The following CERS6 variants were observed in gnomAD, a reference collection of about 807,000 sequenced individuals.
The protein encoded by CERS6 is LAG1 homolog, ceramide synthase 6.
CERS6 carries 26 observed loss-of-function variants against 56.8 expected under a neutral mutation model. The ratio of observed to expected loss-of-function variants is 0.46; its 90% CI spans 0.34 to 0.63. The LOEUF is 0.63. CERS6 is among the 30% of genes least tolerant of loss of function. CERS6 has a pLI of 0.01. For missense variants in CERS6, 415 were observed against 467.5 expected, an observed-to-expected ratio of 0.89 and a Z score of 1.04; for synonymous variants, 164 against 173.3, an observed-to-expected ratio of 0.95 and a Z score of 0.42.
chr2:168,746,804 TATATATATATATATATAA>T lies in CERS6; in HGVS notation c.846-18786_846-18769del, dbSNP rs1254568055. 1.4e-3 allele frequency among the ~76,000 whole-genome samples: 155 copies of T among 111,920 alleles called. 5 individuals carry two copies. Among genetic ancestry groups the T allele is most frequent in the Middle Eastern group, 8.3e-3 (2 of 240 alleles). 73.4% of individuals were successfully genotyped at this position (111,920 alleles called of 152,430 possible). A position where few individuals can be genotyped will look rare whatever the true frequency, so the allele number is the denominator to read the frequency against. On this transcript the variant is annotated intron_variant, in intron 8 of 9. Transcript: ENST00000305747. ...ATATATATATATATATATATATATA[TATATATATATATATATAA>T]AATCATCTTTGAAAAAATGATTATA... is the stretch of plus-strand genomic sequence containing the variant.
intron 1 of CERS6, among the ~76,000 whole-genome samples, chr2:168,492,542 A>C (rs1047893831): frequency 2.0e-5 from 3 of 152,094 alleles, no homozygotes; most frequent in African/African-American, 7.2e-5. Flanking sequence ...AGATTGCAAA[A>C]ATTTTCTCCC....
At chr2:168,666,445 G>A (rs1354811074) in intron 4 of CERS6, among the ~76,000 whole-genome samples, 2 of 152,142 alleles carry the variant, frequency 1.3e-5, no homozygotes, top group Non-Finnish European at 2.9e-5. Context: ...CTTTCACTTA[G>A]TAGTATGCAT....
Position 168,707,796 on chromosome 2 carries a change from A to C in CERS6, c.610-7205A>C, listed in dbSNP as rs150715477. Among the ~76,000 whole-genome samples the C allele has an allele frequency of 7.8e-4, 118 of 152,202 alleles. 1 individual carries two copies. The East Asian group carries it at 0.02, about 26-fold the overall frequency. On this transcript the variant is annotated intron_variant, in intron 6 of 9. Transcript: ENST00000305747. ...CCAAATATACTTTTATTATTTAGCC[A>C]TTGTCTTAAGACCCTACACAATTTT...
intron 1 of CERS6, among the ~76,000 whole-genome samples, chr2:168,537,040 A>G (rs1574050369): frequency 6.6e-6 from 1 of 152,328 alleles, no homozygotes; most frequent in Non-Finnish European, 1.5e-5. Flanking sequence ...AAGATTAATT[A>G]TACCTTTATA....
At chr2:168,472,053 G>GGCTTAA (rs1163777863) in intron 1 of CERS6, among the ~76,000 whole-genome samples, 1 of 152,058 alleles carries the variant, frequency 6.6e-6, no homozygotes, top group Non-Finnish European at 1.5e-5. Context: ...TCCTGAGTTG[G>GGCTTAA]GCTTAAAATT....
intron 1 of CERS6, among the ~76,000 whole-genome samples, chr2:168,476,967 T>C (rs1694082988): frequency 6.6e-6 from 1 of 152,072 alleles, no homozygotes; most frequent in African/African-American, 2.4e-5. Flanking sequence ...AAATTAACCA[T>C]CACAGGTTGC....
chr2:168,521,024 G>A (rs1694968627), intron 1 of CERS6, among the ~76,000 whole-genome samples: 1 of 152,144 alleles, frequency 6.6e-6, no homozygotes, highest in Admixed American at 6.5e-5. Flanking sequence ...TGAAAATGCT[G>A]TATTCTATTT....
At chr2:168,646,937 T>A (rs150374288) in intron 4 of CERS6, among the ~76,000 whole-genome samples, 2 of 152,348 alleles carry the variant, frequency 1.3e-5, no homozygotes, top group East Asian at 3.8e-4. Flanking sequence ...ACTGTAGCCT[T>A]GTAGTATAGT....
At chr2:168,527,803 C>G (rs1695096676) in intron 1 of CERS6, among the ~76,000 whole-genome samples, 1 of 152,180 alleles carries the variant, frequency 6.6e-6, no homozygotes, top group South Asian at 2.1e-4. Context: ...TCACTGTACC[C>G]TCCACCTCCC....
chr2:168,628,324 C>T (rs1050300025), intron 3 of CERS6, among the ~76,000 whole-genome samples: 1 of 152,174 alleles, frequency 6.6e-6, no homozygotes, highest in Non-Finnish European at 1.5e-5. Flanking sequence ...TCTCTCTCCT[C>T]CTGTTTGTTA....
At chr2:168,481,240 C>A (rs970567599) in intron 1 of CERS6, among the ~76,000 whole-genome samples, 3 of 152,080 alleles carry the variant, frequency 2.0e-5, no homozygotes, top group African/African-American at 7.2e-5. Context: ...ATGGTGTAAC[C>A]CCGTCTCAAC....
At chr2:168,710,438 A>G (rs7608622) in intron 6 of CERS6, among the ~76,000 whole-genome samples, 8,332 of 152,314 alleles carry the variant, frequency 0.055, 273 homozygotes, top group African/African-American at 0.094. Context: ...CTGTGTATTA[A>G]GCATAGCAAA....
chr2:168,485,981 G>A (rs1482282253), intron 1 of CERS6, among the ~76,000 whole-genome samples: 1 of 152,174 alleles, frequency 6.6e-6, no homozygotes, highest in East Asian at 1.9e-4. Flanking sequence ...TCCACCAACA[G>A]TGCATGAGTT....
intron 1 of CERS6, among the ~76,000 whole-genome samples, chr2:168,507,379 G>A (rs1694697321): frequency 6.6e-6 from 1 of 152,054 alleles, no homozygotes; most frequent in Admixed American, 6.6e-5. Context: ...GTCTTTCTCT[G>A]TCTTTTGTAT....
chr2:168,467,952 G>T (rs1004636269), intron 1 of CERS6, among the ~76,000 whole-genome samples: 1 of 152,190 alleles, frequency 6.6e-6, no homozygotes, highest in African/African-American at 2.4e-5. Context: ...TGGACCTGGA[G>T]GATTTACTTG....
chr2:168,523,329 A>T (rs577796906), intron 1 of CERS6, among the ~76,000 whole-genome samples: 2 of 152,176 alleles, frequency 1.3e-5, no homozygotes, highest in Admixed American at 1.3e-4. Context: ...GATTTTTTTC[A>T]GTCCTTTCTA....
intron 1 of CERS6, among the ~76,000 whole-genome samples, chr2:168,466,854 A>T (rs1468239673): frequency 6.6e-6 from 1 of 152,190 alleles, no homozygotes; most frequent in South Asian, 2.1e-4. Flanking sequence ...TTTTAATTGC[A>T]GGAGAGATGC....
At chr2:168,557,541 A>G (rs1249203965) in intron 2 of CERS6, among the ~76,000 whole-genome samples, 2 of 152,196 alleles carry the variant, frequency 1.3e-5, no homozygotes, top group Non-Finnish European at 2.9e-5. Flanking sequence ...AAAGATTTGG[A>G]TTTTTGATGG....
At chr2:168,522,353 A>T (rs1452452765) in intron 1 of CERS6, among the ~76,000 whole-genome samples, 1 of 152,222 alleles carries the variant, frequency 6.6e-6, no homozygotes, top group East Asian at 1.9e-4. Flanking sequence ...TTTGTAATTT[A>T]TAAACTACCT....
Sources: allele counts gnomAD v4.1 joint callset (sites outside exome capture counted in the v4.1 genomes callset), GRCh38; gene constraint gnomAD v4.1.1; transcripts MANE v1.5; gene names NCBI Gene and HGNC (gene_info 2026-07-23, HGNC 2026-07-21).